The following KCNMA1 variants were observed in gnomAD, a reference collection of about 807,000 sequenced individuals.
KCNMA1 encodes potassium calcium-activated channel subfamily M alpha 1, also known as Calcium-activated potassium channel subunit alpha-1.
In KCNMA1, 29 loss-of-function variants were observed where a neutral mutation model predicts 140.0. The ratio of observed to expected loss-of-function variants is 0.21; its 90% CI spans 0.15 to 0.28. KCNMA1 has a LOEUF of 0.28. Among genes scored for constraint, KCNMA1 ranks in the 10% least tolerant of loss-of-function variants. The pLI, the probability that KCNMA1 is intolerant of heterozygous loss-of-function variation, is 1.00. For missense variants in KCNMA1, 880 were observed against 1,602.2 expected (o/e 0.55, Z 7.70); for synonymous variants, 612 against 611.9 (o/e 1.00, Z 0.00).
At chr10:77,106,916 G>A (rs1187653450) in intron 9 of KCNMA1, among the ~76,000 whole-genome samples, 3 of 152,196 alleles carry the variant, frequency 2.0e-5, no homozygotes, top group Non-Finnish European at 4.4e-5. Flanking sequence ...GGAAGATGGA[G>A]GGATGTGCTG....
intron 2 of KCNMA1, among the ~76,000 whole-genome samples, chr10:77,397,932 CA>C (rs372621705): frequency 9.9e-5 from 15 of 152,052 alleles, no homozygotes; most frequent in African/African-American, 3.4e-4. Flanking sequence ...CATGTTGCTG[CA>C]AAAGACATGA....
rs938706666 is a variant in KCNMA1, at chr10:76,978,741, G to A, written c.2267-8674C>T. ...GATGTGTATCAAGAAAAAAATGCCT[G>A]TAAGATACCAAACACTGCTCCTGGC... On this transcript the variant is annotated intron_variant, in intron 19 of 27. Coordinates refer to ENST00000286628, the MANE Select transcript of KCNMA1 (RefSeq NM_001161352.2). The A allele has an allele frequency of 2.0e-5, 3 of 152,122 alleles. No homozygotes were observed. The East Asian group carries it at 5.8e-4, about 29-fold the overall frequency. The allele number at this position is 152,122 out of a possible 1,614,324, so 9.4% of individuals were successfully genotyped here. A position where few individuals can be genotyped will look rare whatever the true frequency, so the allele number is the denominator to read the frequency against.
intron 3 of KCNMA1, among the ~76,000 whole-genome samples, chr10:77,193,651 C>G (rs991560832): frequency 6.6e-6 from 1 of 152,130 alleles, no homozygotes; most frequent in East Asian, 1.9e-4. Flanking sequence ...TGGGTGGGCA[C>G]CCACACAACG....
At chr10:77,567,795 A>G (rs138225921) in intron 1 of KCNMA1, among the ~76,000 whole-genome samples, 1 of 152,032 alleles carries the variant, frequency 6.6e-6, no homozygotes, top group Non-Finnish European at 1.5e-5. Context: ...TATTTTTTTT[A>G]AAAAAACTGT....
At chr10:77,189,305 C>G (rs541290021) in intron 3 of KCNMA1, among the ~76,000 whole-genome samples, 1 of 152,068 alleles carries the variant, frequency 6.6e-6, no homozygotes, top group Admixed American at 6.6e-5. Flanking sequence ...TTGAGCCAGC[C>G]CCCAGATAAC....
intron 3 of KCNMA1, among the ~76,000 whole-genome samples, chr10:77,227,577 T>C (rs1352873438): frequency 1.3e-5 from 2 of 152,222 alleles, no homozygotes; most frequent in Admixed American, 1.3e-4. Flanking sequence ...TTAGCACATA[T>C]GATGCTTTAA....
chr10:77,555,057 T>C (rs7901297), intron 1 of KCNMA1, among the ~76,000 whole-genome samples: 3 of 151,540 alleles, frequency 2.0e-5, no homozygotes, highest in East Asian at 1.9e-4. Flanking sequence ...TCTTACCACA[T>C]ACACACACGC....
intron 1 of KCNMA1, among the ~76,000 whole-genome samples, chr10:77,498,016 T>C (rs964347145): frequency 4.6e-5 from 7 of 151,940 alleles, no homozygotes; most frequent in Admixed American, 3.9e-4. Flanking sequence ...AAATCCAGTA[T>C]GCCTGGAAAA....
At chr10:76,934,750 G>T (rs1041618381) in intron 23 of KCNMA1, among the ~76,000 whole-genome samples, 1 of 152,136 alleles carries the variant, frequency 6.6e-6, no homozygotes, top group South Asian at 2.1e-4. Context: ...GGGATTACAA[G>T]ACTTCCTTTA....
chr10:77,614,302 C>T (rs1406330453), intron 1 of KCNMA1, among the ~76,000 whole-genome samples: 1 of 152,050 alleles, frequency 6.6e-6, no homozygotes, highest in African/African-American at 2.4e-5. Context: ...AGACATGCCA[C>T]GTGTTTGGTG....
At chr10:77,571,025 C>T (rs1180827700) in intron 1 of KCNMA1, among the ~76,000 whole-genome samples, 2 of 152,016 alleles carry the variant, frequency 1.3e-5, no homozygotes, top group African/African-American at 4.8e-5. Flanking sequence ...GTGCCAATTG[C>T]TGAAGATCTT....
intron 1 of KCNMA1, among the ~76,000 whole-genome samples, chr10:77,427,572 TG>T (rs1333797285): frequency 6.6e-6 from 1 of 152,192 alleles, no homozygotes; most frequent in African/African-American, 2.4e-5. Context: ...CCTCTCTTTT[TG>T]TCTCTATATT....
intron 25 of KCNMA1, chr10:76,901,749 T>C (rs1440362678): frequency 2.0e-5 from 3 of 152,236 alleles, no homozygotes; most frequent in Admixed American, 6.5e-5. Context: ...AATTGTCTGC[T>C]CTCTGAGCTG....
At chr10:77,367,369 G>T in intron 2 of KCNMA1, among the ~76,000 whole-genome samples, 1 of 152,068 alleles carries the variant, frequency 6.6e-6, no homozygotes, top group East Asian at 1.9e-4. Context: ...TCCGTTAAAG[G>T]TCTCTCAGCG....
chr10:76,879,475 CCT>C (rs199985932), intron 29 of KCNMA1, among the ~76,000 whole-genome samples: 1,771 of 152,262 alleles, frequency 0.012, 25 homozygotes, highest in African/African-American at 0.038. Context: ...AATTATTCCC[CCT>C]GACAGAATGA....
chr10:77,001,333 G>C lies in KCNMA1; in HGVS notation c.2266+74C>G, dbSNP rs78097331. ...TCAGCCCGACTGACTCAGAACCACA[G>C]GGCACAGCACAAGACAGGGATGATA... On this transcript the variant is annotated intron_variant, in intron 19 of 27. Transcript: ENST00000286628. 5.2e-5 allele frequency: 72 copies of C among 1,386,710 alleles called. 1 individual carries two copies. The East Asian group carries it at 1.7e-3, about 34-fold the overall frequency. The allele number at this position is 1,386,710 out of a possible 1,614,324, so 85.9% of individuals were successfully genotyped here.
chr10:77,270,447 C>T (rs1236420814), intron 2 of KCNMA1, among the ~76,000 whole-genome samples: 5 of 152,072 alleles, frequency 3.3e-5, no homozygotes, highest in Admixed American at 6.6e-5. Flanking sequence ...AAAACACAGC[C>T]GTTATTTCCT....
intron 5 of KCNMA1, among the ~76,000 whole-genome samples, chr10:77,163,810 C>G (rs2098600431): frequency 6.6e-6 from 1 of 152,218 alleles, no homozygotes; most frequent in Non-Finnish European, 1.5e-5. Context: ...CCCTGAGACA[C>G]TCTTCATTCT....
chr10:76,992,000 G>A (rs914781337), intron 19 of KCNMA1, among the ~76,000 whole-genome samples: 40 of 152,154 alleles, frequency 2.6e-4, no homozygotes, highest in Admixed American at 2.3e-3. Flanking sequence ...CAGTGCAGTC[G>A]ATCATCCCTA....
Sources: gnomAD v4.1 joint callset for allele counts (sites outside exome capture counted in the v4.1 genomes callset) on GRCh38, gnomAD v4.1.1 for gene constraint, MANE v1.5 for transcripts, NCBI Gene and HGNC (gene_info 2026-07-23, HGNC 2026-07-21) for gene names.